TRIO: variants seen among roughly 807,000 people sequenced by gnomAD.
The protein encoded by TRIO is triple functional domain protein.
Under a neutral mutation model 351.9 loss-of-function variants are expected in TRIO, and 58 were observed. The observed-to-expected ratio is 0.16, with a 90% CI of 0.13 to 0.21. TRIO has a LOEUF of 0.21. Among genes scored for constraint, TRIO ranks in the 10% least tolerant of loss-of-function variants. TRIO has a pLI of 1.00. For missense variants in TRIO, 3,201 were observed against 4,027.8 expected, an observed-to-expected ratio of 0.79 and a Z score of 5.56; for synonymous variants, 1,758 against 1,595.7, an observed-to-expected ratio of 1.10 and a Z score of -2.42.
chr5:14,183,656 T>C (rs1450395238), intron 1 of TRIO: 2 of 277,896 alleles, frequency 7.2e-6, no homozygotes, highest in Non-Finnish European at 1.3e-5. Context: ...TCTCATTTTT[T>C]TCCCCCTCCA....
intron 9 of TRIO, among the ~76,000 whole-genome samples, chr5:14,330,072 C>T (rs1380195036): frequency 6.6e-6 from 1 of 152,132 alleles, no homozygotes; most frequent in Non-Finnish European, 1.5e-5. Context: ...ATATTGTCAG[C>T]GTTTTGTGAT....
chr5:14,419,522 G>C (rs547463869), intron 33 of TRIO, among the ~76,000 whole-genome samples: 3 of 152,272 alleles, frequency 2.0e-5, no homozygotes, highest in Admixed American at 1.3e-4. Flanking sequence ...TTAGTCTGCT[G>C]TAAGTTAAAA....
intron 1 of TRIO, among the ~76,000 whole-genome samples, chr5:14,250,962 C>G (rs1794708069): frequency 6.6e-6 from 1 of 152,120 alleles, no homozygotes. Context: ...CAGGCCCTTC[C>G]ATGTCAGAAA....
intron 1 of TRIO, among the ~76,000 whole-genome samples, chr5:14,248,357 G>C (rs1310619437): frequency 6.6e-6 from 1 of 152,190 alleles, no homozygotes; most frequent in Non-Finnish European, 1.5e-5. Flanking sequence ...ACTTGCTCTT[G>C]CGAAGTGTGT....
intron 48 of TRIO, 78 bp downstream of exon 48, chr5:14,488,338 C>A: frequency 6.7e-7 from 1 of 1,484,552 alleles, no homozygotes; most frequent in Non-Finnish European, 9.0e-7. Flanking sequence ...CGCGGCTGTT[C>A]TCACTAACTC....
At chr5:14,275,739 C>T (rs902326514) in intron 2 of TRIO, among the ~76,000 whole-genome samples, 7 of 150,924 alleles carry the variant, frequency 4.6e-5, no homozygotes, top group African/African-American at 1.7e-4. Context: ...TTCTGGAGAT[C>T]AGTATATAGC....
In TRIO at chr5:14,263,211, A is replaced by G. The variant is rs1055440396; in HGVS notation, c.158-7614A>G. On this transcript the variant is annotated intron_variant, in intron 1 of 56. Coordinates refer to ENST00000344204, the MANE Select transcript of TRIO (RefSeq NM_007118.4). ...TCATATGTGTTGCTTTCTTTCCCAA[A>G]CAGGCTAAGGTCAACAAAGGCTCTA... 6.6e-5 allele frequency among the ~76,000 whole-genome samples: 10 copies of G among 152,244 alleles called. No homozygotes were observed. In the South Asian group the frequency reaches 1.5e-3, roughly 22 times the overall value.
At chr5:14,154,593 A>G (rs1459959155) in intron 1 of TRIO, among the ~76,000 whole-genome samples, 1 of 152,086 alleles carries the variant, frequency 6.6e-6, no homozygotes, top group Non-Finnish European at 1.5e-5. Context: ...GCCATACCTC[A>G]TGTGGTCCCC....
chr5:14,362,417 A>G (rs527410286), intron 13 of TRIO, among the ~76,000 whole-genome samples: 7 of 152,280 alleles, frequency 4.6e-5, no homozygotes, highest in African/African-American at 9.6e-5. Flanking sequence ...GGGTGCCTCA[A>G]TTAGGAGGCA....
chr5:14,474,311 A>G (rs1305227085), intron 40 of TRIO, among the ~76,000 whole-genome samples: 1 of 152,208 alleles, frequency 6.6e-6, no homozygotes, highest in Non-Finnish European at 1.5e-5. Context: ...GTGCTGGTCC[A>G]TGTCGAGAGT....
chr5:14,344,053 G>A (rs895106540), intron 11 of TRIO, among the ~76,000 whole-genome samples: 4 of 152,146 alleles, frequency 2.6e-5, no homozygotes, highest in Non-Finnish European at 5.9e-5. Flanking sequence ...ATTTAGCTGC[G>A]CTCTTTAGTG....
Position 14,344,458 on chromosome 5 carries a change from C to A in TRIO, c.2046+7731C>A, listed in dbSNP as rs113917970. 6.6e-3 allele frequency among the ~76,000 whole-genome samples: 1,004 copies of A among 152,262 alleles called. 10 individuals carry two copies. The highest frequency in any genetic ancestry group is 0.023 in the African/African-American group (949 of 41,552). ...ACACCCCCTAAATTTGCTGAGTGAT[C>A]TGGGATAAGTTACTGTGTAGTACCT... On this transcript the variant is annotated intron_variant, in intron 11 of 56. Transcript: ENST00000344204.
intron 10 of TRIO, among the ~76,000 whole-genome samples, chr5:14,332,656 C>T (rs879137739): frequency 6.6e-6 from 1 of 152,100 alleles, no homozygotes; most frequent in Admixed American, 6.5e-5. Flanking sequence ...TTACAGGGTA[C>T]CAAATCTTCT....
At chr5:14,258,758 A>G (rs1249239717) in intron 1 of TRIO, among the ~76,000 whole-genome samples, 2 of 152,226 alleles carry the variant, frequency 1.3e-5, no homozygotes, top group Admixed American at 6.5e-5. Context: ...GCCTCTAGCC[A>G]TCCCAGCCTC....
chr5:14,201,973 TG>T (rs1791140067), intron 1 of TRIO, among the ~76,000 whole-genome samples: 1 of 45,092 alleles, frequency 2.2e-5, no homozygotes, highest in Non-Finnish European at 3.9e-5. Context: ...TGTTGTGGGG[TG>T]GGGGGAGGGG....
At chr5:14,487,377 A>G in intron 47 of TRIO, 87 bp from the exon 48 acceptor site, 1 of 1,069,562 alleles carries the variant, frequency 9.3e-7, no homozygotes. Flanking sequence ...CCCATGACCC[A>G]TCCCAGGGTG....
chr5:14,284,204 T>C (rs1287194941), intron 3 of TRIO, among the ~76,000 whole-genome samples: 1 of 152,222 alleles, frequency 6.6e-6, no homozygotes, highest in Admixed American at 6.5e-5. Flanking sequence ...ATGTGAACTT[T>C]CTTTATCTCA....
chr5:14,452,898 C>G (rs1258694871), intron 34 of TRIO, among the ~76,000 whole-genome samples: 1 of 150,602 alleles, frequency 6.6e-6, no homozygotes, highest in Non-Finnish European at 1.5e-5. Flanking sequence ...TTAAAAAAAA[C>G]TTTTTTTTTA....
chr5:14,495,356 A>T (rs1756803204), intron 49 of TRIO, among the ~76,000 whole-genome samples: 1 of 152,246 alleles, frequency 6.6e-6, no homozygotes, highest in African/African-American at 2.4e-5. Context: ...CAAAGAATTT[A>T]GAATATTACA....
Sources: gnomAD v4.1 joint callset for allele counts (sites outside exome capture counted in the v4.1 genomes callset) on GRCh38, gnomAD v4.1.1 for gene constraint, MANE v1.5 for transcripts, NCBI Gene and HGNC (gene_info 2026-07-23, HGNC 2026-07-21) for gene names.